The following EPC1 variants were observed in gnomAD, a reference collection of about 807,000 sequenced individuals.
The protein encoded by EPC1 is enhancer of polycomb homolog 1.
EPC1 carries 12 observed loss-of-function variants against 98.4 expected under a neutral mutation model. That is an observed-to-expected ratio of 0.12 (90% CI 0.08 to 0.20). The LOEUF (loss-of-function observed/expected upper bound fraction) is 0.20, where lower values mean the gene tolerates loss of function less well. Among genes scored for constraint, EPC1 ranks in the 10% least tolerant of loss-of-function variants. The probability of loss-of-function intolerance (pLI) is 1.00; values close to 1 mark genes in which losing one functional copy is unlikely to be tolerated. For missense variants in EPC1, 729 were observed against 990.5 expected (o/e 0.74, Z 3.54); for synonymous variants, 357 against 363.9 (o/e 0.98, Z 0.21).
At chr10:32,344,720 A>C (rs955812764) in intron 1 of EPC1, among the ~76,000 whole-genome samples, 1 of 152,182 alleles carries the variant, frequency 6.6e-6, no homozygotes, top group South Asian at 2.1e-4. Context: ...CGGGAGGCGG[A>C]GGGTTGTAGT....
intron 1 of EPC1, among the ~76,000 whole-genome samples, chr10:32,343,502 C>CA (rs1279964207): frequency 6.6e-6 from 1 of 152,228 alleles, no homozygotes; most frequent in Non-Finnish European, 1.5e-5. Flanking sequence ...TGAGCCACCG[C>CA]ATCCTGCCAA....
intron 1 of EPC1, among the ~76,000 whole-genome samples, chr10:32,343,579 C>T (rs1213058254): frequency 6.6e-6 from 1 of 152,134 alleles, no homozygotes; most frequent in African/African-American, 2.4e-5. Context: ...TAATCTCTAA[C>T]ATCTTTGACC....
Position 32,347,115 on chromosome 10 carries a change from T to A in EPC1, c.-200A>T. Reference sequence around the variant, plus strand: ...TCCGCTCCTCTCTCGCTCGCTCTCTTCAATACGCCATGGCCAACATGGCGG... The same window carrying A: ...TCCGCTCCTCTCTCGCTCGCTCTCTACAATACGCCATGGCCAACATGGCGG... On this transcript the variant is annotated 5_prime_UTR_variant, in exon 1 of 14. An upstream open reading frame in the 5' UTR loses its in-frame stop. Coordinates refer to ENST00000319778, the MANE Select transcript of EPC1 (RefSeq NM_001272004.3). 7.0e-7 allele frequency: 1 copy of A among 1,435,560 alleles called. No homozygotes were observed. Among genetic ancestry groups the A allele is most frequent in the Non-Finnish European group, 9.1e-7 (1 of 1,100,090 alleles). 88.9% of individuals were successfully genotyped at this position (1,435,560 alleles called of 1,614,324 possible).
In EPC1 at chr10:32,278,022, G is replaced by A. The variant is rs536836096; in HGVS notation, c.1745-4741C>T. On this transcript the variant is annotated intron_variant, in intron 10 of 13. Transcript: ENST00000319778. ...ATGATCAAAGGAGTGCAGCTGAGGG[G>A]AAAGTGATGGGTGCTAAGGAAACAT... 3.0e-4 allele frequency among the ~76,000 whole-genome samples: 45 copies of A among 152,294 alleles called. No individual in the cohort carries two copies. In the South Asian group the frequency reaches 5.8e-3, roughly 20 times the overall value.
chr10:32,272,010 A>G lies in EPC1; in HGVS notation c.2005+16T>C. The G allele has an allele frequency of 1.9e-6, 3 of 1,604,530 alleles. No homozygotes were observed. Among genetic ancestry groups the G allele is most frequent in the Non-Finnish European group, 1.7e-6 (2 of 1,177,546 alleles). On this transcript the variant is annotated intron_variant, in intron 12 of 13. Coordinates refer to ENST00000319778, the MANE Select transcript of EPC1 (RefSeq NM_001272004.3). ...TATAAATATAACCCAAACAATTTAA[A>G]TGTCTTTATTCTTACCTGAGGCTGG... is the stretch of plus-strand genomic sequence containing the variant.
Position 32,301,991 on chromosome 10 carries a change from C to T in EPC1, c.313+3781G>A, listed in dbSNP as rs184363380. 5.3e-5 allele frequency among the ~76,000 whole-genome samples: 8 copies of T among 152,172 alleles called. No homozygotes were observed. The South Asian group carries it at 8.3e-4, about 16-fold the overall frequency. ...ATTAAGAAATGGTAGAAAAATTTCG[C>T]GGCTGGAGGTGGTGGCTCACGCCTG... On this transcript the variant is annotated intron_variant, in intron 2 of 13. Transcript: ENST00000319778.
Position 32,346,923 on chromosome 10 carries a change from G to GC in EPC1, c.-9dup. The GC allele has an allele frequency of 6.2e-7, 1 of 1,612,778 alleles. No individual in the cohort carries two copies. Among genetic ancestry groups the GC allele is most frequent in the Non-Finnish European group, 8.5e-7 (1 of 1,179,940 alleles). ...AAACGACAGTTTACTCATCTCAGGC[G>GC]CAGCAGATACCTCTCCGCTCTGGGG... is the stretch of plus-strand genomic sequence containing the variant. On this transcript the variant is annotated 5_prime_UTR_variant, in exon 1 of 14. It removes the in-frame stop codon of an upstream open reading frame in the 5' UTR. Transcript: ENST00000319778.
intron 2 of EPC1, among the ~76,000 whole-genome samples, chr10:32,297,912 C>A (rs1835268837): frequency 6.6e-6 from 1 of 152,124 alleles, no homozygotes; most frequent in South Asian, 2.1e-4. Context: ...ATTCTCCTGC[C>A]TCGGCCTCCC....
Position 32,284,831 on chromosome 10 carries a change from A to C in EPC1, c.1611T>G (p.His537Gln). Reference sequence around the variant, plus strand: ...AGGAGAGTTCATCATTGTCACTGTCATGTAGGGATGGTGTCCGAGGCCTAA... The same window carrying C: ...AGGAGAGTTCATCATTGTCACTGTCCTGTAGGGATGGTGTCCGAGGCCTAA... The part of the protein sequence containing the change: ...RHFRPRTPSL[H>Q]DSDNDELSCR... Residue 537 changes from histidine (H) to glutamine (Q), a missense_variant, in exon 10 of 14, where the codon CAT becomes CAG. Coordinates refer to ENST00000319778, the MANE Select transcript of EPC1 (RefSeq NM_001272004.3). 2 of 1,614,210 alleles carry C rather than the reference A, an allele frequency of 1.2e-6. No homozygotes were observed. The highest frequency in any genetic ancestry group is 4.5e-5 in the East Asian group (2 of 44,888).
In EPC1 at chr10:32,268,976, C is replaced by T. The variant is rs983196711; in HGVS notation, c.*87G>A. 1.6e-5 allele frequency: 18 copies of T among 1,121,720 alleles called. No individual in the cohort carries two copies. The highest frequency in any genetic ancestry group is 2.3e-5 in the Non-Finnish European group (17 of 747,450). 69.5% of individuals were successfully genotyped at this position (1,121,720 alleles called of 1,614,324 possible). ...CACAGCTGCCACAGAAACGCATGTG[C>T]TGCTTTCCATCATCCCTTGCATTCA... On this transcript the variant is annotated 3_prime_UTR_variant, in exon 14 of 14. Coordinates refer to ENST00000319778, the MANE Select transcript of EPC1 (RefSeq NM_001272004.3).
rs1359987147 is a variant in EPC1, at chr10:32,284,753, G to C, written c.1689C>G (p.Thr563=). The change falls in exon 10 of 14, where the codon ACC becomes ACG. Residue 563 remains threonine (T), a synonymous_variant. Coordinates refer to ENST00000319778, the MANE Select transcript of EPC1 (RefSeq NM_001272004.3). ...INRTGTAQPG[T]QTCSTSTQSK... Reference sequence around the variant, plus strand: ...TTTGCGTAGAGGTACTGCATGTCTGGGTCCCAGGTTGTGCTGTTCCTGTTC... The same window carrying C: ...TTTGCGTAGAGGTACTGCATGTCTGCGTCCCAGGTTGTGCTGTTCCTGTTC... The C allele has an allele frequency of 8.7e-6, 14 of 1,613,988 alleles. No individual in the cohort carries two copies. Among genetic ancestry groups the C allele is most frequent in the Non-Finnish European group, 1.2e-5 (14 of 1,180,020 alleles).
intron 1 of EPC1, among the ~76,000 whole-genome samples, chr10:32,321,657 G>GT (rs1288124699): frequency 6.6e-6 from 1 of 151,756 alleles, no homozygotes; most frequent in Non-Finnish European, 1.5e-5. Flanking sequence ...AAAAAAAACC[G>GT]TATCACTATG....
In EPC1 at chr10:32,272,113, A is replaced by G; in HGVS notation, c.1918T>C (p.Leu640=). The G allele has an allele frequency of 6.2e-7, 1 of 1,613,926 alleles. No individual in the cohort carries two copies. The highest frequency in any genetic ancestry group is 8.5e-7 in the Non-Finnish European group (1 of 1,179,972). ...SASAQFAASA[L]VTSEQLMGFK... is the part of the protein sequence containing the mutation. ...CCCATCAGTTGTTCTGATGTCACCAAAGCAGAAGCAGCAAACTGTGCACTA... is the reference window on the plus strand; with the variant it reads ...CCCATCAGTTGTTCTGATGTCACCAGAGCAGAAGCAGCAAACTGTGCACTA... Residue 640 remains leucine, a synonymous_variant, in exon 12 of 14, where the codon TTG becomes CTG. Transcript: ENST00000319778.
intron 1 of EPC1, among the ~76,000 whole-genome samples, chr10:32,353,528 G>A (rs996565209): frequency 1.3e-5 from 2 of 152,164 alleles, no homozygotes; most frequent in African/African-American, 2.4e-5. Context: ...GGTAGCAGGA[G>A]TCCGGATTCC....
At chr10:32,337,262 T>TA (rs1838032918) in intron 1 of EPC1, among the ~76,000 whole-genome samples, 3 of 152,228 alleles carry the variant, frequency 2.0e-5, no homozygotes, top group Admixed American at 6.5e-5. Flanking sequence ...TTCTACTTGA[T>TA]ACGCTGTGTA....
At chr10:32,367,299 T>C (rs1337081479) in intron 1 of EPC1, among the ~76,000 whole-genome samples, 1 of 152,252 alleles carries the variant, frequency 6.6e-6, no homozygotes, top group African/African-American at 2.4e-5. Flanking sequence ...CCTTTCGCTA[T>C]TCTTATTAAT....
intron 1 of EPC1, among the ~76,000 whole-genome samples, chr10:32,317,596 C>T (rs1490701905): frequency 2.0e-5 from 3 of 152,100 alleles, no homozygotes; most frequent in African/African-American, 4.8e-5. Flanking sequence ...GAGCCAAGAT[C>T]GTGCCACTGC....
rs151200193 is a variant in EPC1 at position 32,268,946 on chromosome 10, G to A, written c.*117C>T. 8 of 811,586 alleles carry A rather than the reference G, an allele frequency of 9.9e-6. No homozygotes were observed. In the African/African-American group the frequency reaches 1.4e-4, roughly 14 times the overall value. 50.3% of individuals were successfully genotyped at this position (811,586 alleles called of 1,614,324 possible). On this transcript the variant is annotated 3_prime_UTR_variant, in exon 14 of 14. Coordinates refer to ENST00000319778, the MANE Select transcript of EPC1 (RefSeq NM_001272004.3). ...CATGAGAGATGAGCATTGCTGTCAA[G>A]TCCCCACAGCTGCCACAGAAACGCA...
At chr10:32,275,387 A>G (rs1200745253) in intron 10 of EPC1, among the ~76,000 whole-genome samples, 2 of 152,208 alleles carry the variant, frequency 1.3e-5, no homozygotes, top group African/African-American at 2.4e-5. Flanking sequence ...TAATCCCAAC[A>G]CTTTGGGAGG....
Sources: gnomAD v4.1 joint callset for allele counts (sites outside exome capture counted in the v4.1 genomes callset) on GRCh38, gnomAD v4.1.1 for gene constraint, MANE v1.5 for transcripts, NCBI Gene and HGNC (gene_info 2026-07-23, HGNC 2026-07-21) for gene names.